CRIM1: variants seen among roughly 807,000 people sequenced by gnomAD.
CRIM1 encodes cysteine-rich motor neuron 1 protein.
In CRIM1, 32 loss-of-function variants were observed where a neutral mutation model predicts 116.4. The observed-to-expected ratio is 0.27, with a 90% CI of 0.21 to 0.37. CRIM1 has a LOEUF of 0.37. Ranked by LOEUF, CRIM1 falls within the 10% of genes least tolerant of loss-of-function variation. The pLI is 1.00. For missense variants in CRIM1, 1,331 were observed against 1,354.8 expected (o/e 0.98, Z 0.28); for synonymous variants, 590 against 509.2 (o/e 1.16, Z -2.13).
intron 12 of CRIM1, among the ~76,000 whole-genome samples, chr2:36,521,617 A>G (rs1172254344): frequency 6.6e-6 from 1 of 152,232 alleles, no homozygotes; most frequent in East Asian, 1.9e-4. Flanking sequence ...CAAGGCAGGA[A>G]TAATGTGGAA....
chr2:36,504,773 G>A (rs1267128035), intron 8 of CRIM1, among the ~76,000 whole-genome samples: 6 of 152,164 alleles, frequency 3.9e-5, no homozygotes, highest in Non-Finnish European at 5.9e-5. Flanking sequence ...GCTAATAGAC[G>A]TAATATACCT....
intron 4 of CRIM1, among the ~76,000 whole-genome samples, chr2:36,461,840 T>A (rs1558329020): frequency 6.6e-6 from 1 of 152,216 alleles, no homozygotes; most frequent in Non-Finnish European, 1.5e-5. Flanking sequence ...ACTGCAAAAC[T>A]GGCAGTTTCA....
chr2:36,435,019 GGTGCTGT>G (rs1675187959), intron 2 of CRIM1, among the ~76,000 whole-genome samples: 1 of 152,098 alleles, frequency 6.6e-6, no homozygotes, highest in Admixed American at 6.5e-5. Flanking sequence ...AACCTGGCAT[GGTGCTGT>G]GTAGCTTTTT....
At chr2:36,388,752 C>A (rs1671357658) in intron 1 of CRIM1, among the ~76,000 whole-genome samples, 1 of 132,206 alleles carries the variant, frequency 7.6e-6, no homozygotes, top group African/African-American at 3.0e-5. Context: ...TTTCTCCTGT[C>A]CTTATCATTT....
intron 2 of CRIM1, among the ~76,000 whole-genome samples, chr2:36,432,571 C>A (rs1377427255): frequency 6.6e-6 from 1 of 152,144 alleles, no homozygotes; most frequent in African/African-American, 2.4e-5. Flanking sequence ...CCCACTACCT[C>A]CCATAAAAGG....
intron 12 of CRIM1, among the ~76,000 whole-genome samples, chr2:36,519,727 T>C (rs558205712): frequency 1.3e-5 from 2 of 152,280 alleles, no homozygotes; most frequent in East Asian, 3.9e-4. Flanking sequence ...CTTTCCCTCT[T>C]CTCTGGCCTG....
chr2:36,391,047 T>C (rs958239317), intron 1 of CRIM1, among the ~76,000 whole-genome samples: 2 of 151,256 alleles, frequency 1.3e-5, no homozygotes, highest in African/African-American at 4.9e-5. Context: ...TGGGGTGAAG[T>C]CATCTGCCTT....
intron 1 of CRIM1, among the ~76,000 whole-genome samples, chr2:36,395,927 G>A (rs1671995481): frequency 6.6e-6 from 1 of 152,148 alleles, no homozygotes; most frequent in African/African-American, 2.4e-5. Flanking sequence ...TATCAATAGA[G>A]TAAAAAATTA....
At chr2:36,432,405 T>C (rs114202399) in intron 2 of CRIM1, among the ~76,000 whole-genome samples, 2,158 of 152,322 alleles carry the variant, frequency 0.014, 44 homozygotes, top group African/African-American at 0.049. Context: ...GGCAATTTTT[T>C]CTGGGAGTAG....
At chr2:36,525,564 C>T (rs1301420450) in intron 13 of CRIM1, among the ~76,000 whole-genome samples, 1 of 152,184 alleles carries the variant, frequency 6.6e-6, no homozygotes, top group Non-Finnish European at 1.5e-5. Flanking sequence ...ATTGTTTTTC[C>T]AGTGGGCACC....
chr2:36,372,912 G>A (rs1425843620), intron 1 of CRIM1, among the ~76,000 whole-genome samples: 3 of 152,154 alleles, frequency 2.0e-5, no homozygotes, highest in Admixed American at 2.0e-4. Context: ...GCAATGAACA[G>A]TGAAGATTTA....
chr2:36,515,738 G>C (rs1409961813), intron 11 of CRIM1, among the ~76,000 whole-genome samples: 2 of 152,220 alleles, frequency 1.3e-5, no homozygotes, highest in Non-Finnish European at 2.9e-5. Flanking sequence ...ACGGCAAAAA[G>C]GTGAGCCAGA....
At chr2:36,394,196 C>G (rs984544237) in intron 1 of CRIM1, among the ~76,000 whole-genome samples, 7 of 152,132 alleles carry the variant, frequency 4.6e-5, no homozygotes, top group African/African-American at 1.4e-4. Flanking sequence ...CCTCTTAAAA[C>G]TGTGAAGGAA....
intron 2 of CRIM1, among the ~76,000 whole-genome samples, chr2:36,404,669 C>G (rs1362151003): frequency 6.6e-6 from 1 of 152,190 alleles, no homozygotes; most frequent in Non-Finnish European, 1.5e-5. Context: ...AACACATTTT[C>G]AATATACTAT....
Position 36,499,361 on chromosome 2 carries a change from A to AGACT in CRIM1, c.1501+16_1501+19dup. On this transcript the variant is annotated intron_variant, in intron 8 of 16. Coordinates refer to ENST00000280527, the MANE Select transcript of CRIM1 (RefSeq NM_016441.3). Reference sequence around the variant, plus strand: ...AGTGCATAAACAGTGAGTAGACAGAAGACTGTATGTTTTTTCTGAGGCCTA... The same window carrying AGACT: ...AGTGCATAAACAGTGAGTAGACAGAAGACTGACTGTATGTTTTTTCTGAGGCCTA... 1 of 1,612,818 alleles carries AGACT rather than the reference A, an allele frequency of 6.2e-7. No individual in the cohort carries two copies. The highest frequency in any genetic ancestry group is 8.5e-7 in the Non-Finnish European group (1 of 1,179,412).
At chr2:36,406,394 A>G (rs1052690474) in intron 2 of CRIM1, among the ~76,000 whole-genome samples, 1 of 152,164 alleles carries the variant, frequency 6.6e-6, no homozygotes, top group African/African-American at 2.4e-5. Context: ...AGTGGAATAT[A>G]TGACCTTTGA....
chr2:36,438,130 CA>C (rs200633505), intron 2 of CRIM1, among the ~76,000 whole-genome samples: 35 of 100,394 alleles, frequency 3.5e-4, no homozygotes, highest in South Asian at 1.5e-3. Flanking sequence ...GACTCCATCT[CA>C]AAAAAAAAAA....
In CRIM1 at chr2:36,550,021, ATGTGTGTGTGAGAGTATGTATG is replaced by A. The variant is rs1558432184; in HGVS notation, c.*1331_*1352del. 6.6e-6 allele frequency: 1 copy of A among 151,098 alleles called. No individual in the cohort carries two copies. Among genetic ancestry groups the A allele is most frequent in the African/African-American group, 2.5e-5 (1 of 40,634 alleles). The allele number at this position is 151,098 out of a possible 1,614,324, so 9.4% of individuals were successfully genotyped here. A position where few individuals can be genotyped will look rare whatever the true frequency, so the allele number is the denominator to read the frequency against. ...TTCTACCTGCAGTTTAATTGGAAAG[ATGTGTGTGTGAGAGTATGTATG>A]TGTGTGTGTGTGTGTGTGTGTGTGC... On this transcript the variant is annotated 3_prime_UTR_variant, in exon 17 of 17. Coordinates refer to ENST00000280527, the MANE Select transcript of CRIM1 (RefSeq NM_016441.3).
chr2:36,373,175 C>G (rs890995650), intron 1 of CRIM1, among the ~76,000 whole-genome samples: 1 of 152,152 alleles, frequency 6.6e-6, no homozygotes, highest in East Asian at 1.9e-4. Context: ...ACAGTTAAAT[C>G]GAGGGTGTGG....
Sources: gnomAD v4.1 joint callset for allele counts (sites outside exome capture counted in the v4.1 genomes callset) on GRCh38, gnomAD v4.1.1 for gene constraint, MANE v1.5 for transcripts, NCBI Gene and HGNC (gene_info 2026-07-23, HGNC 2026-07-21) for gene names.